Variants in KCNB2 observed in about 807,000 individuals in gnomAD.
The protein encoded by KCNB2 is delayed rectifier potassium channel protein.
Under a neutral mutation model 61.5 loss-of-function variants are expected in KCNB2, and 15 were observed. The observed-to-expected ratio is 0.24, with a 90% confidence interval of 0.16 to 0.38. The LOEUF (loss-of-function observed/expected upper bound fraction) is 0.38. KCNB2 is among the 10% of genes least tolerant of loss of function. The pLI is 1.00. For synonymous variants in KCNB2, 457 were observed against 446.0 expected (o/e 1.02, Z -0.31); for missense variants, 828 against 1,125.2 (o/e 0.74, Z 3.78).
Position 72,874,542 on chromosome 8 carries a change from A to G in KCNB2, c.580-61393A>G, listed in dbSNP as rs145211765. 8.4e-3 allele frequency among the ~76,000 whole-genome samples: 1,287 copies of G among 152,348 alleles called. 16 individuals carry two copies. The highest frequency in any genetic ancestry group is 0.029 in the African/African-American group (1,218 of 41,588). On this transcript the variant is annotated intron_variant, in intron 2 of 2. Coordinates refer to ENST00000523207, the MANE Select transcript of KCNB2 (RefSeq NM_004770.3). ...GCATCACAGCCCCTGCCCTTCGGTA[A>G]CTAACCAGCCAAAGCCTGGACAGGT...
rs1427680665 is a variant in KCNB2 at position 72,932,841 on chromosome 8, T to C, written c.580-3094T>C. Among the ~76,000 whole-genome samples the C allele has an allele frequency of 2.0e-5, 3 of 152,262 alleles. No individual in the cohort carries two copies. In the East Asian group the frequency reaches 5.8e-4, roughly 29 times the overall value. On this transcript the variant is annotated intron_variant, in intron 2 of 2. Transcript: ENST00000523207. Reference sequence around the variant, plus strand: ...AATTTCACATTTATTATATTTATTGTGTTAAAAAAAACTCTACAATAAGAC... The same window carrying C: ...AATTTCACATTTATTATATTTATTGCGTTAAAAAAAACTCTACAATAAGAC...
chr8:72,825,542 T>A (rs1028991433), intron 2 of KCNB2, among the ~76,000 whole-genome samples: 2 of 152,164 alleles, frequency 1.3e-5, no homozygotes, highest in Non-Finnish European at 2.9e-5. Context: ...TTTCTCTACG[T>A]CCTCCCTGAT....
At chr8:72,700,444 A>G (rs551392555) in intron 2 of KCNB2, among the ~76,000 whole-genome samples, 107 of 152,314 alleles carry the variant, frequency 7.0e-4, no homozygotes, top group Non-Finnish European at 1.2e-3. Flanking sequence ...CAAGTGGCCA[A>G]TAAACATATG....
chr8:72,895,569 T>A (rs1447404242), intron 2 of KCNB2, among the ~76,000 whole-genome samples: 1 of 152,146 alleles, frequency 6.6e-6, no homozygotes, highest in Non-Finnish European at 1.5e-5. Context: ...GCTGTGTAAG[T>A]CACTACATTA....
intron 2 of KCNB2, among the ~76,000 whole-genome samples, chr8:72,726,466 G>T (rs1009529686): frequency 6.6e-6 from 1 of 152,184 alleles, no homozygotes; most frequent in Non-Finnish European, 1.5e-5. Context: ...ATAGATGATT[G>T]TGCAGTCATT....
intron 2 of KCNB2, among the ~76,000 whole-genome samples, chr8:72,860,590 G>A (rs895956599): frequency 2.0e-5 from 3 of 152,160 alleles, no homozygotes; most frequent in Admixed American, 6.5e-5. Flanking sequence ...TCCTGTTTCT[G>A]CTCACATCTA....
intron 2 of KCNB2, among the ~76,000 whole-genome samples, chr8:72,899,203 TA>T (rs1044191655): frequency 3.4e-4 from 52 of 152,166 alleles, no homozygotes; most frequent in Middle Eastern, 3.4e-3. Context: ...CCCTTCATGA[TA>T]AAAACCCTCA....
At chr8:72,629,323 C>T (rs1805842854) in intron 2 of KCNB2, among the ~76,000 whole-genome samples, 1 of 152,192 alleles carries the variant, frequency 6.6e-6, no homozygotes, top group South Asian at 2.1e-4. Context: ...ACTCCGCTTC[C>T]ATCAGTCAGG....
chr8:72,568,921 T>A (rs73301694), intron 2 of KCNB2, among the ~76,000 whole-genome samples: 7,671 of 142,876 alleles, frequency 0.054, 325 homozygotes, highest in African/African-American at 0.12. Context: ...TGACTGTTAA[T>A]TTTTTTTTTT....
chr8:72,855,973 A>G (rs1489233995), intron 2 of KCNB2, among the ~76,000 whole-genome samples: 3 of 152,220 alleles, frequency 2.0e-5, no homozygotes, highest in Admixed American at 2.0e-4. Context: ...TGCTCTGAAG[A>G]TAGTTGTTAC....
intron 2 of KCNB2, among the ~76,000 whole-genome samples, chr8:72,890,528 G>A (rs762636848): frequency 6.6e-6 from 1 of 152,078 alleles, no homozygotes; most frequent in Non-Finnish European, 1.5e-5. Flanking sequence ...TCCCTTCCCC[G>A]GTCCCATCAC....
chr8:72,927,398 G>A (rs1261762214), intron 2 of KCNB2, among the ~76,000 whole-genome samples: 3 of 152,042 alleles, frequency 2.0e-5, no homozygotes, highest in African/African-American at 7.2e-5. Flanking sequence ...AGCCTCCTGA[G>A]TAGTTGGGAT....
intron 2 of KCNB2, among the ~76,000 whole-genome samples, chr8:72,699,288 G>A (rs918354354): frequency 3.0e-5 from 4 of 135,062 alleles, no homozygotes; most frequent in East Asian, 2.0e-4. Context: ...TTGACATTCC[G>A]GCTGGTATGA....
chr8:72,630,766 G>T (rs1805865529), intron 2 of KCNB2, among the ~76,000 whole-genome samples: 1 of 152,130 alleles, frequency 6.6e-6, no homozygotes, highest in African/African-American at 2.4e-5. Context: ...TCAACTATCA[G>T]ATTTGTCAGC....
At chr8:72,570,049 C>T (rs976919870) in intron 2 of KCNB2, among the ~76,000 whole-genome samples, 2 of 152,044 alleles carry the variant, frequency 1.3e-5, no homozygotes, top group East Asian at 1.9e-4. Flanking sequence ...GGTCAACAAC[C>T]TGATTTCCTA....
intron 2 of KCNB2, among the ~76,000 whole-genome samples, chr8:72,623,947 A>G (rs1441914232): frequency 1.3e-5 from 2 of 151,948 alleles, no homozygotes; most frequent in East Asian, 1.9e-4. Context: ...CCTTTCTTTC[A>G]TGTCCCCCCA....
chr8:72,785,499 A>G (rs1808832260), intron 2 of KCNB2, among the ~76,000 whole-genome samples: 1 of 152,174 alleles, frequency 6.6e-6, no homozygotes, highest in African/African-American at 2.4e-5. Context: ...AAAGTTAATC[A>G]AGTTAGCAAT....
At chr8:72,864,521 A>G (rs1401474326) in intron 2 of KCNB2, among the ~76,000 whole-genome samples, 2 of 152,196 alleles carry the variant, frequency 1.3e-5, no homozygotes, top group Admixed American at 6.5e-5. Context: ...TAAATAATTT[A>G]TTGCATTTCC....
At chr8:72,892,827 T>A (rs1427072726) in intron 2 of KCNB2, among the ~76,000 whole-genome samples, 1 of 152,190 alleles carries the variant, frequency 6.6e-6, no homozygotes, top group African/African-American at 2.4e-5. Context: ...GCTCTGGACA[T>A]ACAGCCATTA....
Sources: allele counts gnomAD v4.1 joint callset (sites outside exome capture counted in the v4.1 genomes callset), GRCh38; gene constraint gnomAD v4.1.1; transcripts MANE v1.5; gene names NCBI Gene and HGNC (gene_info 2026-07-23, HGNC 2026-07-21).